The following SV2B variants were observed in gnomAD, a reference collection of about 807,000 sequenced individuals.
SV2B encodes the protein solute carrier family 22 member B2.
In SV2B, 41 loss-of-function variants were observed where a neutral mutation model predicts 73.9. The observed-to-expected ratio is 0.56, with a 90% CI of 0.43 to 0.72. The LOEUF (loss-of-function observed/expected upper bound fraction) is 0.72, where lower values mean the gene tolerates loss of function less well. Ranked by LOEUF, SV2B falls within the 30% of genes least tolerant of loss-of-function variation. SV2B has a pLI of 0.00. For synonymous variants in SV2B, 314 were observed against 314.2 expected (o/e 1.00, Z 0.01); for missense variants, 764 against 857.8 (o/e 0.89, Z 1.37).
Position 91,224,540 on chromosome 15 carries a change from G to T in SV2B, c.-391-1333G>T, listed in dbSNP as rs1479017204. On this transcript the variant is annotated intron_variant, in intron 1 of 12. Coordinates refer to ENST00000394232, the MANE Select transcript of SV2B (RefSeq NM_001323032.3). This position sits in a 1 kb window ranked among gnomAD's most constrained non-coding sequence, Gnocchi z 4.9. ...GCAGCCCTTCTTCATTACGCTCTGG[G>T]AATCTGTATTTTTAAAGCTCCCCAG... Among the ~76,000 whole-genome samples the T allele has an allele frequency of 1.3e-5, 2 of 152,158 alleles. No individual in the cohort carries two copies. The highest frequency in any genetic ancestry group is 4.8e-5 in the African/African-American group (2 of 41,426).
intron 9 of SV2B, among the ~76,000 whole-genome samples, chr15:91,279,481 C>T (rs1307570342): frequency 1.3e-5 from 2 of 152,234 alleles, no homozygotes; most frequent in East Asian, 3.8e-4. Flanking sequence ...TCTCCTGAAT[C>T]AAGAATCTTG....
At chr15:91,279,786 C>T (rs1419223489) in intron 9 of SV2B, among the ~76,000 whole-genome samples, 1 of 152,322 alleles carries the variant, frequency 6.6e-6, no homozygotes, top group East Asian at 1.9e-4. Flanking sequence ...CTGCAACAGT[C>T]TCCAGGAATA....
intron 1 of SV2B, among the ~76,000 whole-genome samples, chr15:91,160,753 A>G (rs2078878): frequency 0.39 from 59,541 of 152,092 alleles, 12,168 homozygotes; most frequent in East Asian, 0.7. Context: ...AAAAGTACTA[A>G]TTAAAATCAG....
At chr15:91,275,141 A>G (rs1236713078) in intron 9 of SV2B, among the ~76,000 whole-genome samples, 2 of 152,132 alleles carry the variant, frequency 1.3e-5, no homozygotes, top group Non-Finnish European at 2.9e-5. Flanking sequence ...AATTATTTAT[A>G]TGGTTGAATT....
At position 91,296,705 on chromosome 15, in the gene SV2B, T is replaced by TGATCATGGGCACACGCTCCTTCTGCCC. The variant is rs1177744664; in HGVS notation, c.*4185_*4211dup. 7.0e-6 allele frequency: 1 copy of TGATCATGGGCACACGCTCCTTCTGCCC among 142,482 alleles called. No individual in the cohort carries two copies. The highest frequency in any genetic ancestry group is 7.1e-5 in the Admixed American group (1 of 14,076). 8.8% of individuals were successfully genotyped at this position (142,482 alleles called of 1,614,324 possible). ...TCATTGGGAGCACACTCCTTCTGCC[T>TGATCATGGGCACACGCTCCTTCTGCCC]GATCATGGGCACACGCTCCTTCTGC... On this transcript the variant is annotated 3_prime_UTR_variant, in exon 13 of 13. Coordinates refer to ENST00000394232, the MANE Select transcript of SV2B (RefSeq NM_001323032.3).
chr15:91,154,227 T>C (rs2043410800), intron 1 of SV2B, among the ~76,000 whole-genome samples: 1 of 150,816 alleles, frequency 6.6e-6, no homozygotes, highest in Non-Finnish European at 1.5e-5. Flanking sequence ...AAGATACTTT[T>C]TTATAGACCA....
Position 91,121,369 on chromosome 15 carries a change from A to T in SV2B, c.-392+21006A>T, listed in dbSNP as rs1488192746. On this transcript the variant is annotated intron_variant, in intron 1 of 12. Transcript: ENST00000394232. The surrounding 1 kb of genome is among the most constrained non-coding windows in gnomAD (Gnocchi z 4.4). ...CTCTAGGGATGGGAGTATAAATTGA[A>T]TTTTTTAAAAATAAGCTGCCCAATG... 3.3e-5 allele frequency among the ~76,000 whole-genome samples: 5 copies of T among 152,102 alleles called. No homozygotes were observed. Among genetic ancestry groups the T allele is most frequent in the African/African-American group, 7.2e-5 (3 of 41,408 alleles).
At position 91,174,009 on chromosome 15, in the gene SV2B, G is replaced by T. The variant is rs563592386; in HGVS notation, c.-391-51864G>T. 2.0e-5 allele frequency among the ~76,000 whole-genome samples: 3 copies of T among 152,302 alleles called. No individual in the cohort carries two copies. The South Asian group carries it at 6.2e-4, about 32-fold the overall frequency. ...TCAAATCAAGCCAGCCAGTGTCTATGTGAGAAAATATACTCATTCATCATT... is the reference window on the plus strand; with the variant it reads ...TCAAATCAAGCCAGCCAGTGTCTATTTGAGAAAATATACTCATTCATCATT... On this transcript the variant is annotated intron_variant, in intron 1 of 12. Coordinates refer to ENST00000394232, the MANE Select transcript of SV2B (RefSeq NM_001323032.3).
At position 91,289,592 on chromosome 15, in the gene SV2B, G is replaced by A. The variant is rs764957590; in HGVS notation, c.1780G>A (p.Gly594Ser). ...TGGCAACAGTGAGTCTGCAATGATC[G>A]GCTGGCAGTGCCTGTTCTGTGGGAC... ...FFGNSESAMI[G>S]WQCLFCGTSI... The change falls in exon 12 of 13, where the codon GGC becomes AGC. Residue 594 changes from glycine (G) to serine (S), a missense_variant. Gly to Ser is a moderately conservative substitution (Grantham distance 56, BLOSUM62 0). Coordinates refer to ENST00000394232, the MANE Select transcript of SV2B (RefSeq NM_001323032.3). The surrounding 1 kb of genome is among the most constrained non-coding windows in gnomAD (Gnocchi z 4.9). 1.7e-5 allele frequency: 27 copies of A among 1,614,060 alleles called. No individual in the cohort carries two copies. Among genetic ancestry groups the A allele is most frequent in the Admixed American group, 3.3e-5 (2 of 59,996 alleles).
intron 1 of SV2B, among the ~76,000 whole-genome samples, chr15:91,217,419 T>C (rs932292811): frequency 5.9e-5 from 9 of 151,978 alleles, no homozygotes; most frequent in African/African-American, 2.2e-4. Flanking sequence ...TTCTGAACGT[T>C]TGGGGGGAGG....
Position 91,128,210 on chromosome 15 carries a change from T to C in SV2B, c.-392+27847T>C, listed in dbSNP as rs901329571. ...GAGATTTTCAGTCCCTCCTGGGAGCTGTTTTCACCCTCTTCCACCAGTGAG... is the reference window on the plus strand; with the variant it reads ...GAGATTTTCAGTCCCTCCTGGGAGCCGTTTTCACCCTCTTCCACCAGTGAG... On this transcript the variant is annotated intron_variant, in intron 1 of 12. Coordinates refer to ENST00000394232, the MANE Select transcript of SV2B (RefSeq NM_001323032.3). This position sits in a 1 kb window ranked among gnomAD's most constrained non-coding sequence, Gnocchi z 4.2. 3.3e-5 allele frequency among the ~76,000 whole-genome samples: 5 copies of C among 152,210 alleles called. No homozygotes were observed. Among genetic ancestry groups the C allele is most frequent in the Admixed American group, 2.6e-4 (4 of 15,284 alleles).
intron 1 of SV2B, among the ~76,000 whole-genome samples, chr15:91,171,748 C>G (rs919912289): frequency 6.6e-6 from 1 of 152,354 alleles, no homozygotes; most frequent in Middle Eastern, 3.4e-3. Context: ...CCCACACAGA[C>G]CAGTTTTGCT....
Position 91,267,625 on chromosome 15 carries a change from G to T in SV2B, c.1190G>T (p.Trp397Leu). The T allele has an allele frequency of 3.1e-6, 5 of 1,612,480 alleles. No homozygotes were observed. The highest frequency in any genetic ancestry group is 4.2e-6 in the Non-Finnish European group (5 of 1,179,278). ...AATACACTGATTCTGGCCGTGGTTT[G>T]GTTTGCCATGGCATTCAGGTAAGTT... ...RMNTLILAVV[W>L]FAMAFSYYGL... is the part of the protein sequence containing the mutation. Residue 397 changes from tryptophan (W) to leucine (L), a missense_variant, in exon 8 of 13, where the codon TGG becomes TTG. Transcript: ENST00000394232. The surrounding 1 kb of genome is among the most constrained non-coding windows in gnomAD (Gnocchi z 4.3).
chr15:91,262,532 G>C (rs2047946013), intron 6 of SV2B, among the ~76,000 whole-genome samples: 1 of 152,022 alleles, frequency 6.6e-6, no homozygotes, highest in African/African-American at 2.4e-5. Flanking sequence ...GTGTCACGGG[G>C]GTTTGTTGTA....
chr15:91,264,273 T>C (rs1007004373), intron 6 of SV2B, among the ~76,000 whole-genome samples: 1 of 152,246 alleles, frequency 6.6e-6, no homozygotes, highest in Admixed American at 6.5e-5. Flanking sequence ...CTCCTGACGA[T>C]GCATTCTACT....
intron 1 of SV2B, among the ~76,000 whole-genome samples, chr15:91,221,556 G>A (rs1033640985): frequency 3.3e-5 from 5 of 151,874 alleles, no homozygotes; most frequent in Non-Finnish European, 5.9e-5. Flanking sequence ...AGTCACTCTC[G>A]GCCTTTCCTT....
chr15:91,181,007 TC>T (rs35196471), intron 1 of SV2B, among the ~76,000 whole-genome samples: 1 of 152,246 alleles, frequency 6.6e-6, no homozygotes, highest in Admixed American at 6.5e-5. Flanking sequence ...CTCTGTTTTT[TC>T]CCCATCTTTG....
Position 91,296,230 on chromosome 15 carries a change from C to T in SV2B, c.*3678C>T, listed in dbSNP as rs2049218622. 1 of 152,238 alleles carries T rather than the reference C, an allele frequency of 6.6e-6. No homozygotes were observed. The highest frequency in any genetic ancestry group is 6.5e-5 in the Admixed American group (1 of 15,288). 9.4% of individuals were successfully genotyped at this position (152,238 alleles called of 1,614,324 possible). On this transcript the variant is annotated 3_prime_UTR_variant, in exon 13 of 13. Coordinates refer to ENST00000394232, the MANE Select transcript of SV2B (RefSeq NM_001323032.3). ...GAGTGGGGTAAGAATCCCCGTAGCC[C>T]TGGGAAAGGTGTCTCCACTTCCACA...
rs1478520215 is a variant in SV2B at position 91,231,604 on chromosome 15, G to T, written c.451+4890G>T. Among the ~76,000 whole-genome samples, 1 of 152,160 alleles carries T rather than the reference G, an allele frequency of 6.6e-6. No homozygotes were observed. The highest frequency in any genetic ancestry group is 1.5e-5 in the Non-Finnish European group (1 of 68,028). ...AAACCAACCCCATCCTTTTCTGCCT[G>T]CATTTGATAAATTGACACCAATTTT... On this transcript the variant is annotated intron_variant, in intron 2 of 12. Coordinates refer to ENST00000394232, the MANE Select transcript of SV2B (RefSeq NM_001323032.3). This position sits in a 1 kb window ranked among gnomAD's most constrained non-coding sequence, Gnocchi z 4.5.
Sources: allele counts gnomAD v4.1 joint callset (sites outside exome capture counted in the v4.1 genomes callset), GRCh38; gene constraint gnomAD v4.1.1; non-coding constraint Gnocchi (gnomAD v3.1); transcripts MANE v1.5; gene names NCBI Gene and HGNC (gene_info 2026-07-23, HGNC 2026-07-21).